The following KLF8 variants were observed in gnomAD, a reference collection of about 807,000 sequenced individuals.
The protein encoded by KLF8 is KLF transcription factor 8.
Under a neutral mutation model 18.2 loss-of-function variants are expected in KLF8, and 10 were observed. That is an observed-to-expected ratio of 0.55 (90% CI 0.34 to 0.93). KLF8 has a LOEUF of 0.93. Among genes scored for constraint, KLF8 ranks in the 40% least tolerant of loss-of-function variants. KLF8 has a pLI of 0.02. For missense variants in KLF8, 264 were observed against 277.9 expected, an observed-to-expected ratio of 0.95 and a Z score of 0.36; for synonymous variants, 109 against 97.3, an observed-to-expected ratio of 1.12 and a Z score of -0.71.
the KLF8 span, among the ~76,000 whole-genome samples, chrX:56,164,252 C>A: frequency 2.9e-4 from 27 of 93,167 alleles, no homozygotes; most frequent in Non-Finnish European, 5.3e-4. Flanking sequence ...GTATTCAATG[C>A]AGAAAGCATG....
At chrX:56,265,818 C>T (rs897672692) in intron 3 of KLF8, 74 bp downstream of exon 3, 19 of 1,116,947 alleles carry the variant, frequency 1.7e-5, no homozygotes, top group Non-Finnish European at 2.2e-5. Context: ...TCTCCTGTCT[C>T]TTTTCACTTC....
chrX:56,113,235 G>T, the KLF8 span, among the ~76,000 whole-genome samples: 3 of 108,219 alleles, frequency 2.8e-5, no homozygotes, highest in African/African-American at 1.0e-4. Context: ...TGTCTAGGAA[G>T]TTGAATGTCT....
the KLF8 span, among the ~76,000 whole-genome samples, chrX:56,068,598 A>G: frequency 9.0e-6 from 1 of 111,617 alleles, no homozygotes; most frequent in African/African-American, 3.3e-5. Flanking sequence ...AATGCCTGCT[A>G]TAACTTTTGC....
In KLF8 at chrX:56,288,390, C is replaced by A. The variant is rs775427477; in HGVS notation, c.*3896C>A. Among the ~76,000 whole-genome samples, 4 of 111,319 alleles carry A rather than the reference C, an allele frequency of 3.6e-5. No homozygotes were observed. Among genetic ancestry groups the A allele is most frequent in the Admixed American group, 9.6e-5 (1 of 10,456 alleles). On this transcript the variant is annotated 3_prime_UTR_variant, in exon 6 of 6. Transcript: ENST00000468660. ...CACTTTTGAGAGAGATTTTCCTCAACTGGGATTTGTCAGTTGTCTTTCTCA... is the reference window on the plus strand; with the variant it reads ...CACTTTTGAGAGAGATTTTCCTCAAATGGGATTTGTCAGTTGTCTTTCTCA...
chrX:56,133,411 A>T, the KLF8 span, among the ~76,000 whole-genome samples: 2 of 112,089 alleles, frequency 1.8e-5, no homozygotes, highest in Non-Finnish European at 3.8e-5. Context: ...TTAAAAACAA[A>T]AATCACATGA....
chrX:56,176,760 C>T, the KLF8 span, among the ~76,000 whole-genome samples: 1 of 111,753 alleles, frequency 8.9e-6, no homozygotes, highest in Non-Finnish European at 1.9e-5. Flanking sequence ...TAGATTTGGT[C>T]TTTTCACATA....
the KLF8 span, among the ~76,000 whole-genome samples, chrX:56,095,083 A>G: frequency 9.0e-6 from 1 of 111,002 alleles, no homozygotes; most frequent in Non-Finnish European, 1.9e-5. Context: ...TGGAGGTATT[A>G]TATTACCTGA....
the KLF8 span, among the ~76,000 whole-genome samples, chrX:56,074,126 C>T: frequency 3.6e-5 from 4 of 111,367 alleles, no homozygotes. Flanking sequence ...AAGATTTTGG[C>T]CTATTATTGG....
chrX:56,189,125 A>G, the KLF8 span, among the ~76,000 whole-genome samples: 1 of 111,891 alleles, frequency 8.9e-6, no homozygotes, highest in Non-Finnish European at 1.9e-5. Context: ...TACTCATCTG[A>G]CAAAGGGCTA....
At chrX:56,122,690 T>A in the KLF8 span, among the ~76,000 whole-genome samples, 1 of 111,307 alleles carries the variant, frequency 9.0e-6, no homozygotes, top group Non-Finnish European at 1.9e-5. Flanking sequence ...CATGATAAAT[T>A]TCTGTGTACC....
At chrX:56,065,832 C>T in the KLF8 span, among the ~76,000 whole-genome samples, 3 of 111,823 alleles carry the variant, frequency 2.7e-5, no homozygotes, top group Non-Finnish European at 5.6e-5. Flanking sequence ...GCTATGATTT[C>T]TTCAGTGGTT....
chrX:55,991,174 T>G, the KLF8 span, among the ~76,000 whole-genome samples: 2 of 112,272 alleles, frequency 1.8e-5, no homozygotes, highest in South Asian at 3.7e-4. Context: ...TCCTGGCCAC[T>G]TTGTTTATAC....
intron 2 of KLF8, among the ~76,000 whole-genome samples, chrX:56,262,899 A>C (rs1159311965): frequency 4.5e-5 from 5 of 111,897 alleles, no homozygotes; most frequent in Admixed American, 3.8e-4. Context: ...CTGGGATTAC[A>C]GGCATGAGCC....
chrX:56,062,002 TTTTC>T, the KLF8 span, among the ~76,000 whole-genome samples: 1 of 101,871 alleles, frequency 9.8e-6, no homozygotes, highest in African/African-American at 4.0e-5. Context: ...TTTTTTTTTT[TTTTC>T]TTTTTGGCTT....
the KLF8 span, among the ~76,000 whole-genome samples, chrX:56,195,546 GAAAC>G: frequency 8.9e-6 from 1 of 111,905 alleles, no homozygotes; most frequent in Non-Finnish European, 1.9e-5. Context: ...AAAGTAGAAA[GAAAC>G]AAACAAAGTG....
At chrX:56,150,469 A>G in the KLF8 span, among the ~76,000 whole-genome samples, 2 of 112,032 alleles carry the variant, frequency 1.8e-5, no homozygotes, top group Admixed American at 9.5e-5. Context: ...TTTGGTATTT[A>G]CATTAACTCC....
chrX:55,926,631 A>G, the KLF8 span, among the ~76,000 whole-genome samples: 1 of 110,959 alleles, frequency 9.0e-6, no homozygotes, highest in East Asian at 2.8e-4. Context: ...GTATTTTAAA[A>G]CTAAAATATA....
chrX:56,256,133 G>C (rs1409339004), intron 2 of KLF8, among the ~76,000 whole-genome samples: 1 of 111,196 alleles, frequency 9.0e-6, no homozygotes, highest in Non-Finnish European at 1.9e-5. Flanking sequence ...CTAGGAATTT[G>C]TCCATTTTTT....
chrX:55,968,730 T>C, the KLF8 span, among the ~76,000 whole-genome samples: 1 of 112,026 alleles, frequency 8.9e-6, no homozygotes, highest in African/African-American at 3.2e-5. Flanking sequence ...GTGCTTCCCC[T>C]TCATCTTCTG....
Sources: gnomAD v4.1 joint callset for allele counts (sites outside exome capture counted in the v4.1 genomes callset) on GRCh38, gnomAD v4.1.1 for gene constraint, MANE v1.5 for transcripts, NCBI Gene and HGNC (gene_info 2026-07-23, HGNC 2026-07-21) for gene names.